Variants in CORO2B observed in about 807,000 individuals in gnomAD.
CORO2B encodes coronin 2B, also known as coronin-2B.
CORO2B carries 26 observed loss-of-function variants against 58.8 expected under a neutral mutation model. That is an observed-to-expected ratio of 0.44 (90% CI 0.32 to 0.61). The LOEUF is 0.61. Among genes scored for constraint, CORO2B ranks in the 20% least tolerant of loss-of-function variants. The pLI is 0.04. For missense variants in CORO2B, 460 were observed against 645.1 expected, an observed-to-expected ratio of 0.71 and a Z score of 3.11; for synonymous variants, 242 against 253.8, an observed-to-expected ratio of 0.95 and a Z score of 0.44.
At chr15:68,720,727 G>A (rs535703094) in intron 11 of CORO2B, among the ~76,000 whole-genome samples, 1 of 152,286 alleles carries the variant, frequency 6.6e-6, no homozygotes. Flanking sequence ...CAAGATGGAA[G>A]CTACAGTCTT....
the CORO2B span, among the ~76,000 whole-genome samples, chr15:68,527,066 A>G: frequency 6.6e-6 from 1 of 152,080 alleles, no homozygotes; most frequent in Admixed American, 6.5e-5. Context: ...CTGTTTGAAA[A>G]CCAAAGACAG....
At chr15:68,658,258 G>A (rs757384536) in intron 2 of CORO2B, among the ~76,000 whole-genome samples, 2 of 152,076 alleles carry the variant, frequency 1.3e-5, no homozygotes, top group Non-Finnish European at 2.9e-5. Context: ...ACCAGGGAGA[G>A]GGAACAGCTG....
chr15:68,597,112 CT>C (rs1246510481), intron 1 of CORO2B, among the ~76,000 whole-genome samples: 13 of 151,748 alleles, frequency 8.6e-5, no homozygotes, highest in Admixed American at 8.5e-4. Context: ...AATTGGTGGC[CT>C]GCTCATTTCA....
intron 10 of CORO2B, 64 bp from the exon 11 acceptor site, chr15:68,719,349 T>A (rs1019530300): frequency 1.2e-6 from 2 of 1,603,758 alleles, no homozygotes; most frequent in African/African-American, 2.7e-5. Context: ...CCACCCAGCC[T>A]GCTGGACCAT....
intron 1 of CORO2B, among the ~76,000 whole-genome samples, chr15:68,636,666 C>T (rs572678030): frequency 1.4e-4 from 22 of 152,342 alleles, no homozygotes; most frequent in African/African-American, 5.1e-4. Flanking sequence ...GTCAGAGATG[C>T]AGAGAAAGAC....
At chr15:68,557,476 A>C in the CORO2B span, among the ~76,000 whole-genome samples, 1 of 152,162 alleles carries the variant, frequency 6.6e-6, no homozygotes, top group Non-Finnish European at 1.5e-5. Context: ...CGGCCAGTCT[A>C]TCCAAGGTCA....
intron 1 of CORO2B, chr15:68,632,394 A>C (rs964410938): frequency 1.0e-6 from 1 of 985,330 alleles, no homozygotes; most frequent in Non-Finnish European, 1.2e-6. Flanking sequence ...GTTGTGATGG[A>C]GTCAGCCAGA....
At chr15:68,598,665 C>T (rs964622474) in intron 1 of CORO2B, among the ~76,000 whole-genome samples, 1 of 152,230 alleles carries the variant, frequency 6.6e-6, no homozygotes, top group African/African-American at 2.4e-5. Flanking sequence ...CCCAGCTCCT[C>T]ACTTTGGAGT....
chr15:68,574,425 G>C (rs1299938733), upstream of CORO2B, among the ~76,000 whole-genome samples: 4 of 152,140 alleles, frequency 2.6e-5, no homozygotes, highest in Non-Finnish European at 5.9e-5. Flanking sequence ...GTCTGGGATG[G>C]GTGCCCACAG....
chr15:68,647,165 T>C (rs1031882219), intron 2 of CORO2B, among the ~76,000 whole-genome samples: 1 of 152,166 alleles, frequency 6.6e-6, no homozygotes, highest in Non-Finnish European at 1.5e-5. Context: ...ATGGAGTGCA[T>C]GTTTAAAATC....
At chr15:68,560,001 A>G in the CORO2B span, among the ~76,000 whole-genome samples, 113,365 of 152,086 alleles carry the variant, frequency 0.75, 42,896 homozygotes, top group East Asian at 0.87. Context: ...CTCAGACGGC[A>G]ATGCAGATCT....
the CORO2B span, among the ~76,000 whole-genome samples, chr15:68,553,592 T>A: frequency 1.3e-5 from 2 of 152,168 alleles, no homozygotes; most frequent in South Asian, 4.1e-4. Flanking sequence ...GGAGAGTAAG[T>A]TTGTGCTATT....
At chr15:68,590,725 AC>A (rs2140566385) in intron 1 of CORO2B, among the ~76,000 whole-genome samples, 1 of 152,314 alleles carries the variant, frequency 6.6e-6, no homozygotes, top group East Asian at 1.9e-4. Context: ...CATTGACTGG[AC>A]CGAGCCTGCT....
chr15:68,549,161 T>C, the CORO2B span, among the ~76,000 whole-genome samples: 2 of 152,176 alleles, frequency 1.3e-5, no homozygotes, highest in African/African-American at 4.8e-5. Context: ...AAAATCACAA[T>C]CCTACTACTC....
At chr15:68,699,338 C>T (rs1261327418) in intron 3 of CORO2B, among the ~76,000 whole-genome samples, 4 of 152,126 alleles carry the variant, frequency 2.6e-5, no homozygotes, top group Non-Finnish European at 4.4e-5. Flanking sequence ...AGACACTACA[C>T]GCTCCAGGGA....
At chr15:68,556,006 G>C in the CORO2B span, among the ~76,000 whole-genome samples, 2 of 152,172 alleles carry the variant, frequency 1.3e-5, no homozygotes, top group Admixed American at 6.5e-5. Context: ...AGAGGAGCTG[G>C]GTTCAGAGAA....
chr15:68,579,779 A>G (rs930149717), intron 1 of CORO2B, among the ~76,000 whole-genome samples: 1 of 152,216 alleles, frequency 6.6e-6, no homozygotes, highest in Non-Finnish European at 1.5e-5. Flanking sequence ...CACTCTGTGC[A>G]GAAGGCGCTG....
At chr15:68,544,371 G>T in the CORO2B span, among the ~76,000 whole-genome samples, 1 of 152,198 alleles carries the variant, frequency 6.6e-6, no homozygotes, top group Non-Finnish European at 1.5e-5. Flanking sequence ...TGCACACATG[G>T]ACTGAGTCCC....
At chr15:68,634,708 T>C (rs939437981) in intron 1 of CORO2B, among the ~76,000 whole-genome samples, 3 of 152,158 alleles carry the variant, frequency 2.0e-5, no homozygotes, top group Non-Finnish European at 2.9e-5. Context: ...CAGCAATCTA[T>C]GTTTTCACAA....
Sources: gnomAD v4.1 joint callset for allele counts (sites outside exome capture counted in the v4.1 genomes callset) on GRCh38, gnomAD v4.1.1 for gene constraint, MANE v1.5 for transcripts, NCBI Gene and HGNC (gene_info 2026-07-23, HGNC 2026-07-21) for gene names.